CEP85L: variants seen among roughly 807,000 people sequenced by gnomAD.
The protein encoded by CEP85L is centrosomal protein of 85 kDa-like.
Under a neutral mutation model 100.3 loss-of-function variants are expected in CEP85L, and 60 were observed. That is an observed-to-expected ratio of 0.60 (90% CI 0.49 to 0.74). The LOEUF is 0.74. CEP85L is among the 30% of genes least tolerant of loss of function. CEP85L has a pLI of 0.00. For missense variants in CEP85L, 973 were observed against 936.2 expected (o/e 1.04, Z -0.51); for synonymous variants, 319 against 322.7 (o/e 0.99, Z 0.12).
intron 3 of CEP85L, among the ~76,000 whole-genome samples, chr6:118,562,010 T>C (rs1779252939): frequency 6.6e-6 from 1 of 152,176 alleles, no homozygotes; most frequent in Non-Finnish European, 1.5e-5. Context: ...TGTCCAGAAA[T>C]TTTATGCTAA....
chr6:118,517,279 G>GA (rs1562220563), intron 4 of CEP85L, among the ~76,000 whole-genome samples: 2 of 152,172 alleles, frequency 1.3e-5, no homozygotes, highest in African/African-American at 4.8e-5. Context: ...ATTCTGTGAA[G>GA]AAAGTCAATG....
chr6:118,574,111 T>A (rs1222509506), intron 2 of CEP85L: 1 of 152,236 alleles, frequency 6.6e-6, no homozygotes, highest in Non-Finnish European at 1.5e-5. Context: ...TTCCTCAGCG[T>A]AATCTGTAAC....
At chr6:118,565,088 TAC>T (rs1779424989) in intron 3 of CEP85L, 1 of 167,524 alleles carries the variant, frequency 6.0e-6, no homozygotes, top group African/African-American at 2.4e-5. Context: ...CTTCTCATTG[TAC>T]AGATGAAGAA....
chr6:118,502,349 A>G (rs959289359), intron 5 of CEP85L: 2 of 521,796 alleles, frequency 3.8e-6, no homozygotes, highest in East Asian at 7.7e-5. Context: ...TTCTGGCCCC[A>G]TGCCAAGATT....
intron 1 of CEP85L, among the ~76,000 whole-genome samples, chr6:118,641,769 CAAGAA>C (rs1774891317): frequency 6.6e-6 from 1 of 151,512 alleles, no homozygotes; most frequent in Non-Finnish European, 1.5e-5. Flanking sequence ...TATAAACAAA[CAAGAA>C]AATAGTCAAG....
intron 2 of CEP85L, among the ~76,000 whole-genome samples, chr6:118,618,446 T>C (rs901885202): frequency 3.9e-5 from 6 of 152,206 alleles, no homozygotes; most frequent in African/African-American, 1.4e-4. Flanking sequence ...CAGGACAATT[T>C]GAAGACAGAT....
At chr6:118,496,382 T>C (rs571880284) in intron 5 of CEP85L, among the ~76,000 whole-genome samples, 1 of 151,362 alleles carries the variant, frequency 6.6e-6, no homozygotes, top group South Asian at 2.1e-4. Context: ...TTTTATTTTA[T>C]TTTATTTTAT....
intron 2 of CEP85L, among the ~76,000 whole-genome samples, chr6:118,586,396 C>T (rs375494933): frequency 2.0e-5 from 3 of 152,090 alleles, no homozygotes; most frequent in South Asian, 4.1e-4. Context: ...GCACAATTAG[C>T]GAAAACCCAA....
chr6:118,614,881 T>TAGAC lies in CEP85L; in HGVS notation c.232+17571_232+17572insGTCT, dbSNP rs1254641934. Among the ~76,000 whole-genome samples the TAGAC allele has an allele frequency of 2.8e-3, 342 of 124,264 alleles. 2 individuals carry two copies. The highest frequency in any genetic ancestry group is 9.7e-3 in the African/African-American group (334 of 34,530). 81.5% of individuals were successfully genotyped at this position (124,264 alleles called of 152,430 possible). A position where few individuals can be genotyped will look rare whatever the true frequency, so the allele number is the denominator to read the frequency against. ...ACAGACAGACAGATAGATAGATAGA[T>TAGAC]AGATAGATAGATAGATAGATAGATA... On this transcript the variant is annotated intron_variant, in intron 2 of 12. Transcript: ENST00000368491.
intron 1 of CEP85L, among the ~76,000 whole-genome samples, chr6:118,689,604 A>T (rs748175408): frequency 6.6e-6 from 1 of 152,238 alleles, no homozygotes; most frequent in Non-Finnish European, 1.5e-5. Context: ...ATAATTGATC[A>T]GTGCTTGTGA....
intron 1 of CEP85L, among the ~76,000 whole-genome samples, chr6:118,688,103 G>A (rs550968744): frequency 1.4e-4 from 21 of 152,224 alleles, no homozygotes; most frequent in East Asian, 3.9e-4. Flanking sequence ...TCTTGGAAGC[G>A]GCTTGCCACC....
chr6:118,609,816 A>G (rs1245469180), intron 2 of CEP85L, among the ~76,000 whole-genome samples: 3 of 152,206 alleles, frequency 2.0e-5, no homozygotes, highest in Non-Finnish European at 4.4e-5. Context: ...GACAGTCTAC[A>G]TATCCATTGT....
At chr6:118,607,502 C>T (rs1485279278) in intron 2 of CEP85L, among the ~76,000 whole-genome samples, 1 of 152,156 alleles carries the variant, frequency 6.6e-6, no homozygotes, top group Admixed American at 6.5e-5. Flanking sequence ...CCTAATCCTG[C>T]CACCCACAGC....
intron 3 of CEP85L, among the ~76,000 whole-genome samples, chr6:118,562,802 C>G (rs1457757352): frequency 6.6e-6 from 1 of 152,082 alleles, no homozygotes. Flanking sequence ...CAGAAACATC[C>G]TAGGGAAAAA....
At chr6:118,545,428 A>T (rs1364893233) in intron 3 of CEP85L, among the ~76,000 whole-genome samples, 1 of 152,126 alleles carries the variant, frequency 6.6e-6, no homozygotes, top group East Asian at 1.9e-4. Context: ...TCTCTACTAA[A>T]AATACAAAAG....
At chr6:118,617,041 A>T (rs959352711) in intron 2 of CEP85L, among the ~76,000 whole-genome samples, 10 of 152,088 alleles carry the variant, frequency 6.6e-5, no homozygotes, top group African/African-American at 2.4e-4. Context: ...CTAAAAAATA[A>T]AAATAAAAAA....
intron 4 of CEP85L, among the ~76,000 whole-genome samples, chr6:118,514,672 T>A (rs1776165858): frequency 6.6e-6 from 1 of 152,042 alleles, no homozygotes; most frequent in Non-Finnish European, 1.5e-5. Context: ...CCTAACTATA[T>A]ACTATCTACA....
intron 2 of CEP85L, among the ~76,000 whole-genome samples, chr6:118,600,306 T>TGG (rs1781695641): frequency 2.4e-5 from 1 of 41,106 alleles, no homozygotes; most frequent in African/African-American, 7.8e-5. Context: ...TGGGGGTGTG[T>TGG]GTGTGTGTGT....
intron 1 of CEP85L, chr6:118,664,451 G>A (rs73530824): frequency 0.012 from 1,788 of 152,624 alleles, 45 homozygotes; most frequent in African/African-American, 0.041. Flanking sequence ...TGTCAGGCTG[G>A]GGTCTTCAGG....
Sources: allele counts gnomAD v4.1 joint callset (sites outside exome capture counted in the v4.1 genomes callset), GRCh38; gene constraint gnomAD v4.1.1; transcripts MANE v1.5; gene names NCBI Gene and HGNC (gene_info 2026-07-23, HGNC 2026-07-21).